DLG2: variants seen among roughly 807,000 people sequenced by gnomAD.
The protein encoded by DLG2 is discs large MAGUK scaffold protein 2, also known as disks large homolog 2.
Under a neutral mutation model 132.5 loss-of-function variants are expected in DLG2, and 45 were observed. The observed-to-expected ratio is 0.34, with a 90% CI of 0.27 to 0.44. The LOEUF (loss-of-function observed/expected upper bound fraction) is 0.44, where lower values mean the gene tolerates loss of function less well. Ranked by LOEUF, DLG2 falls within the 20% of genes least tolerant of loss-of-function variation. The pLI is 1.00. For missense variants in DLG2, 1,045 were observed against 1,196.9 expected (o/e 0.87, Z 1.87); for synonymous variants, 424 against 419.6 (o/e 1.01, Z -0.13).
At chr11:83,708,043 A>G (rs1047506876) in intron 18 of DLG2, among the ~76,000 whole-genome samples, 3 of 152,222 alleles carry the variant, frequency 2.0e-5, no homozygotes, top group Non-Finnish European at 2.9e-5. Context: ...GTATTCCATC[A>G]TGAGGTTGTG....
intron 8 of DLG2, among the ~76,000 whole-genome samples, chr11:84,169,916 T>C (rs189532376): frequency 5.7e-4 from 86 of 152,090 alleles, no homozygotes; most frequent in African/African-American, 1.9e-3. Context: ...CCCAATCTTG[T>C]GTATACTCAC....
At chr11:84,306,614 C>T (rs567657024) in intron 7 of DLG2, among the ~76,000 whole-genome samples, 1 of 152,268 alleles carries the variant, frequency 6.6e-6, no homozygotes, top group South Asian at 2.1e-4. Flanking sequence ...TAATAATAAA[C>T]TTTTTTCGTT....
At chr11:84,980,355 T>C (rs1420542256) in intron 6 of DLG2, among the ~76,000 whole-genome samples, 1 of 152,160 alleles carries the variant, frequency 6.6e-6, no homozygotes, top group Non-Finnish European at 1.5e-5. Flanking sequence ...ATAAGGCCTA[T>C]CTTCTACTCT....
chr11:83,889,484 T>C (rs976813232), intron 15 of DLG2, among the ~76,000 whole-genome samples: 50 of 152,212 alleles, frequency 3.3e-4, no homozygotes, highest in Non-Finnish European at 5.3e-4. Context: ...TGTGGAGAAA[T>C]AGGAACACTT....
intron 15 of DLG2, among the ~76,000 whole-genome samples, chr11:83,886,247 G>C (rs1211156042): frequency 6.6e-6 from 1 of 152,160 alleles, no homozygotes; most frequent in African/African-American, 2.4e-5. Context: ...TAAAAGGATG[G>C]AGGAAGATCT....
chr11:83,817,457 G>A (rs1414450339), intron 17 of DLG2, among the ~76,000 whole-genome samples: 1 of 152,204 alleles, frequency 6.6e-6, no homozygotes, highest in Non-Finnish European at 1.5e-5. Flanking sequence ...GACAAGTTAA[G>A]AGAAGCTATA....
chr11:83,541,367 T>G (rs879700261), intron 20 of DLG2, among the ~76,000 whole-genome samples: 2 of 152,202 alleles, frequency 1.3e-5, no homozygotes, highest in Non-Finnish European at 2.9e-5. Flanking sequence ...ACTGAATTTG[T>G]AAGTCGGCAT....
intron 6 of DLG2, among the ~76,000 whole-genome samples, chr11:85,086,323 C>T (rs2067914629): frequency 6.6e-6 from 1 of 152,108 alleles, no homozygotes; most frequent in Admixed American, 6.5e-5. Context: ...TAGAATCTTA[C>T]TCATCAAATA....
chr11:84,786,432 A>G (rs139013196), intron 6 of DLG2, among the ~76,000 whole-genome samples: 30 of 152,328 alleles, frequency 2.0e-4, no homozygotes, highest in African/African-American at 4.8e-4. Context: ...AAAATTATCA[A>G]TTCCAAGCTA....
chr11:85,146,099 G>C (rs2076821355), intron 5 of DLG2, among the ~76,000 whole-genome samples: 1 of 152,104 alleles, frequency 6.6e-6, no homozygotes, highest in Non-Finnish European at 1.5e-5. Flanking sequence ...CAGACTCCTA[G>C]AGGTACCACC....
chr11:84,152,285 C>T (rs2095314904), intron 9 of DLG2, among the ~76,000 whole-genome samples: 1 of 151,914 alleles, frequency 6.6e-6, no homozygotes, highest in Admixed American at 6.5e-5. Flanking sequence ...TCTTCATTAT[C>T]ATATAATGCC....
At chr11:83,895,145 C>CTTTTTT (rs11287512) in intron 15 of DLG2, among the ~76,000 whole-genome samples, 16 of 87,908 alleles carry the variant, frequency 1.8e-4, no homozygotes, top group East Asian at 7.2e-4. Flanking sequence ...GAACTACTGT[C>CTTTTTT]TTTTTTTTTT....
chr11:84,964,095 CATT>C (rs2052989011), intron 6 of DLG2, among the ~76,000 whole-genome samples: 1 of 151,946 alleles, frequency 6.6e-6, no homozygotes, highest in Non-Finnish European at 1.5e-5. Context: ...TAAGAAAAAA[CATT>C]AAGGCAGCCT....
chr11:84,731,539 G>A (rs190803123), intron 6 of DLG2, among the ~76,000 whole-genome samples: 2 of 152,040 alleles, frequency 1.3e-5, no homozygotes, highest in East Asian at 3.9e-4. Context: ...AACGGAAAGG[G>A]GAAAAGCATC....
At chr11:84,409,487 A>G (rs185376502) in intron 7 of DLG2, among the ~76,000 whole-genome samples, 1 of 152,318 alleles carries the variant, frequency 6.6e-6, no homozygotes, top group Non-Finnish European at 1.5e-5. Flanking sequence ...GAAAATTAAC[A>G]TTCCTTAAAT....
chr11:83,583,421 G>A (rs1192707648), intron 19 of DLG2, among the ~76,000 whole-genome samples: 1 of 152,146 alleles, frequency 6.6e-6, no homozygotes, highest in Non-Finnish European at 1.5e-5. Flanking sequence ...AGTGTGGCAT[G>A]GTGGCTAAGA....
Position 85,402,422 on chromosome 11 carries a change from T to C in DLG2, c.41-117057A>G, listed in dbSNP as rs566349310. Among the ~76,000 whole-genome samples, 25 of 152,240 alleles carry C rather than the reference T, an allele frequency of 1.6e-4. 2 individuals carry two copies. The highest frequency in any genetic ancestry group is 1.2e-3 in the Admixed American group (18 of 15,286). On this transcript the variant is annotated intron_variant, in intron 3 of 27. Transcript: ENST00000376104. The stretch of plus-strand genomic sequence containing the variant: ...AACCTAGGCAATACCATTCAGGACA[T>C]AGGCATGTGCAAAGACCCCATGACT...
At chr11:83,995,346 A>AC (rs2093967342) in intron 11 of DLG2, among the ~76,000 whole-genome samples, 1 of 152,160 alleles carries the variant, frequency 6.6e-6, no homozygotes, top group Non-Finnish European at 1.5e-5. Flanking sequence ...CACATGTAGA[A>AC]ATAGAGGCTC....
intron 7 of DLG2, among the ~76,000 whole-genome samples, chr11:84,504,913 T>C (rs1449287531): frequency 2.6e-5 from 4 of 152,136 alleles, no homozygotes; most frequent in Admixed American, 2.6e-4. Flanking sequence ...CAACAGAAAC[T>C]TGCATACAAC....
Sources: gnomAD v4.1 joint callset for allele counts (sites outside exome capture counted in the v4.1 genomes callset) on GRCh38, gnomAD v4.1.1 for gene constraint, MANE v1.5 for transcripts, NCBI Gene and HGNC (gene_info 2026-07-23, HGNC 2026-07-21) for gene names.